CCL3: variants seen among roughly 807,000 people sequenced by gnomAD.
CCL3 encodes the protein C-C motif chemokine ligand 3.
CCL3 carries 6 observed loss-of-function variants against 8.1 expected under a neutral mutation model. The ratio of observed to expected loss-of-function variants is 0.74; its 90% CI spans 0.41 to 1.46. CCL3 has a LOEUF of 1.46. CCL3 is among the 40% of genes most tolerant of loss of function. The pLI, the probability that CCL3 is intolerant of heterozygous loss-of-function variation, is 0.02. For missense variants in CCL3, 109 were observed against 117.7 expected (o/e 0.93, Z 0.34); for synonymous variants, 45 against 45.1 (o/e 1.00, Z 0.01).
At chr17:36,089,905 G>C (rs1342864692) in intron 1 of CCL3, 81 bp downstream of exon 1, 2 of 1,315,712 alleles carry the variant, frequency 1.5e-6, no homozygotes, top group African/African-American at 2.9e-5. Flanking sequence ...TCTCTTGGGG[G>C]CTTTTAGGCC....
At position 36,090,022 on chromosome 17, in the gene CCL3, A is replaced by G; in HGVS notation, c.37T>C (p.Cys13Arg). The G allele has an allele frequency of 6.2e-7, 1 of 1,613,830 alleles. No individual in the cohort carries two copies. The highest frequency in any genetic ancestry group is 8.5e-7 in the Non-Finnish European group (1 of 1,180,034). ...VSTAALAVLL[C>R]TMALCNQFSA... ...AACTGGTTGCAGAGAGCCATGGTGC[A>G]GAGGAGGACAGCAAGGGCAGCAGTG... The change falls in exon 1 of 3, where the codon TGC becomes CGC. Residue 13 changes from cysteine (C) to arginine (R), a missense_variant. Physicochemically the swap from Cys to Arg is radical, Grantham distance 180. Coordinates refer to ENST00000613922, the MANE Select transcript of CCL3 (RefSeq NM_002983.3).
Position 36,089,635 on chromosome 17 carries a change from G to C in CCL3, c.74-338C>G, listed in dbSNP as rs2067025121. ...TCTCTCATAAGACATCCAAGGGACA[G>C]AGCTCCTGGGAGACCTAGAGTGAGC... On this transcript the variant is annotated intron_variant, in intron 1 of 2. Coordinates refer to ENST00000613922, the MANE Select transcript of CCL3 (RefSeq NM_002983.3). 4.7e-6 allele frequency: 3 copies of C among 637,408 alleles called. No homozygotes were observed. The African/African-American group carries it at 5.4e-5, about 11-fold the overall frequency. 39.5% of individuals were successfully genotyped at this position (637,408 alleles called of 1,614,324 possible). A position where few individuals can be genotyped will look rare whatever the true frequency, so the allele number is the denominator to read the frequency against.
chr17:36,088,428 C>T lies in CCL3; in HGVS notation c.*244G>A. 1 of 533,336 alleles carries T rather than the reference C, an allele frequency of 1.9e-6. No homozygotes were observed. The highest frequency in any genetic ancestry group is 2.4e-5 in the South Asian group (1 of 42,492). 33.0% of individuals were successfully genotyped at this position (533,336 alleles called of 1,614,324 possible). ...GCGGTGTGAGGGAAGGGGGAGGGGA[C>T]AGGGGAACTCTCAGAGCAAACAATC... On this transcript the variant is annotated 3_prime_UTR_variant, in exon 3 of 3. Transcript: ENST00000613922.
chr17:36,088,594 C>A lies in CCL3; in HGVS notation c.*78G>T. 7 of 1,517,494 alleles carry A rather than the reference C, an allele frequency of 4.6e-6. No homozygotes were observed. The highest frequency in any genetic ancestry group is 6.4e-6 in the Non-Finnish European group (7 of 1,093,996). 94.0% of individuals were successfully genotyped at this position (1,517,494 alleles called of 1,614,324 possible). On this transcript the variant is annotated 3_prime_UTR_variant, in exon 3 of 3. Transcript: ENST00000613922. ...AAGAGGTAGCTGTGGAGGTCACACGCATGTTCCCAAGGCTCAGGCTCCTGC... is the reference window on the plus strand; with the variant it reads ...AAGAGGTAGCTGTGGAGGTCACACGAATGTTCCCAAGGCTCAGGCTCCTGC...
intron 2 of CCL3, among the ~76,000 whole-genome samples, 198 bp downstream of exon 2, chr17:36,088,985 G>C (rs530826647): frequency 4.7e-4 from 72 of 152,152 alleles, no homozygotes; most frequent in African/African-American, 1.4e-3. Context: ...TTTCCTCTGG[G>C]CTGGGGCAGC....
At chr17:36,089,387 G>T (rs951682958) in intron 1 of CCL3, 90 bp from the exon 2 acceptor site, 2 of 1,541,172 alleles carry the variant, frequency 1.3e-6, no homozygotes, top group Admixed American at 1.7e-5. Context: ...AGGAAGGCAG[G>T]CTTGCTCAGA....
chr17:36,090,133 C>G lies in CCL3; in HGVS notation c.-75G>C. The G allele has an allele frequency of 7.1e-7, 1 of 1,404,096 alleles. No individual in the cohort carries two copies. The highest frequency in any genetic ancestry group is 9.9e-7 in the Non-Finnish European group (1 of 1,007,414). 87.0% of individuals were successfully genotyped at this position (1,404,096 alleles called of 1,614,324 possible). A position where few individuals can be genotyped will look rare whatever the true frequency, so the allele number is the denominator to read the frequency against. On this transcript the variant is annotated 5_prime_UTR_variant, in exon 1 of 3. Coordinates refer to ENST00000613922, the MANE Select transcript of CCL3 (RefSeq NM_002983.3). ...AAAGGACTGACCACTGTCTGCTGCC[C>G]GTGTCCTTCTGAAGTCTGAAACCAG...
At chr17:36,089,031 T>C (rs534856223) in intron 2 of CCL3, 152 bp downstream of exon 2, 274 of 1,074,532 alleles carry the variant, frequency 2.5e-4, no homozygotes, top group Admixed American at 5.8e-4. Flanking sequence ...TCACTCCAGC[T>C]CCAAGTCAGG....
chr17:36,089,589 A>G (rs2067024342), intron 1 of CCL3: 4 of 605,828 alleles, frequency 6.6e-6, no homozygotes, highest in East Asian at 2.9e-5. Flanking sequence ...TCATACCCCA[A>G]CCCAAGAGAA....
intron 1 of CCL3, chr17:36,089,779 C>A: frequency 2.8e-6 from 2 of 721,336 alleles, no homozygotes; most frequent in Non-Finnish European, 5.1e-6. Context: ...CTCCCCTGCC[C>A]CTGCCTAGAT....
chr17:36,089,981 C>T lies in CCL3; in HGVS notation c.73+5G>A. 1 of 1,613,680 alleles carries T rather than the reference C, an allele frequency of 6.2e-7. No individual in the cohort carries two copies. The highest frequency in any genetic ancestry group is 8.5e-7 in the Non-Finnish European group (1 of 1,179,682). On this transcript the variant is annotated splice_donor_5th_base_variant and intron_variant, in intron 1 of 2. Transcript: ENST00000613922. Reference sequence around the variant, plus strand: ...GGTGATACCCACAACGAAACTCAGACTCACGTGATGCAGAGAACTGGTTGC... The same window carrying T: ...GGTGATACCCACAACGAAACTCAGATTCACGTGATGCAGAGAACTGGTTGC...
At chr17:36,089,768 A>G (rs2067027023) in intron 1 of CCL3, 3 of 717,114 alleles carry the variant, frequency 4.2e-6, no homozygotes, top group East Asian at 5.4e-5. Flanking sequence ...AGGGACTGTA[A>G]CTCCCCTGCC....
At position 36,089,331 on chromosome 17, in the gene CCL3, C is replaced by T. The variant is rs763816063; in HGVS notation, c.74-34G>A. Reference sequence around the variant, plus strand: ...AAAGGAAGAGAATGAGCCCGAGTCACAGCTCAGAAGAAAAGGCCAGGCAGC... The same window carrying T: ...AAAGGAAGAGAATGAGCCCGAGTCATAGCTCAGAAGAAAAGGCCAGGCAGC... On this transcript the variant is annotated intron_variant, in intron 1 of 2. Transcript: ENST00000613922. 2.5e-5 allele frequency: 40 copies of T among 1,613,848 alleles called. No individual in the cohort carries two copies. In the East Asian group the frequency reaches 8.2e-4, roughly 33 times the overall value.
chr17:36,088,803 G>A, intron 2 of CCL3, 41 bp from the exon 3 acceptor site: 1 of 1,610,720 alleles, frequency 6.2e-7, no homozygotes, highest in Non-Finnish European at 8.5e-7. Flanking sequence ...GGGGAATCCA[G>A]CAGGGGAATC....
chr17:36,090,133 C>T lies in CCL3; in HGVS notation c.-75G>A, dbSNP rs999274187. On this transcript the variant is annotated 5_prime_UTR_variant, in exon 1 of 3. Coordinates refer to ENST00000613922, the MANE Select transcript of CCL3 (RefSeq NM_002983.3). The stretch of plus-strand genomic sequence containing the variant: ...AAAGGACTGACCACTGTCTGCTGCC[C>T]GTGTCCTTCTGAAGTCTGAAACCAG... 53 of 1,403,978 alleles carry T rather than the reference C, an allele frequency of 3.8e-5. No homozygotes were observed. The highest frequency in any genetic ancestry group is 3.4e-4 in the African/African-American group (24 of 70,442). The allele number at this position is 1,403,978 out of a possible 1,614,324, so 87.0% of individuals were successfully genotyped here.
rs1258865872 is a variant in CCL3, at chr17:36,088,613, C to A, written c.*59G>T. 2.5e-6 allele frequency: 4 copies of A among 1,593,480 alleles called. No individual in the cohort carries two copies. The African/African-American group carries it at 4.0e-5, about 16-fold the overall frequency. Reference sequence around the variant, plus strand: ...CACACGCATGTTCCCAAGGCTCAGGCTCCTGCTCCTCCCCACTGGGCCCAC... The same window carrying A: ...CACACGCATGTTCCCAAGGCTCAGGATCCTGCTCCTCCCCACTGGGCCCAC... On this transcript the variant is annotated 3_prime_UTR_variant, in exon 3 of 3. Coordinates refer to ENST00000613922, the MANE Select transcript of CCL3 (RefSeq NM_002983.3).
At position 36,088,527 on chromosome 17, in the gene CCL3, A is replaced by C. The variant is rs1271647427; in HGVS notation, c.*145T>G. The C allele has an allele frequency of 1.9e-5, 15 of 779,592 alleles. No individual in the cohort carries two copies. The highest frequency in any genetic ancestry group is 3.7e-4 in the Middle Eastern group (1 of 2,718). The allele number at this position is 779,592 out of a possible 1,614,324, so 48.3% of individuals were successfully genotyped here. A position where few individuals can be genotyped will look rare whatever the true frequency, so the allele number is the denominator to read the frequency against. On this transcript the variant is annotated 3_prime_UTR_variant, in exon 3 of 3. Coordinates refer to ENST00000613922, the MANE Select transcript of CCL3 (RefSeq NM_002983.3). ...AAATAAATTAAAATTTAAGTTAAGAAGAGTCCCACAGTGTGGCTGTTTGGC... is the reference window on the plus strand; with the variant it reads ...AAATAAATTAAAATTTAAGTTAAGACGAGTCCCACAGTGTGGCTGTTTGGC...
intron 1 of CCL3, 137 bp downstream of exon 1, chr17:36,089,849 A>C (rs1320500550): frequency 1.2e-6 from 1 of 864,302 alleles, no homozygotes; most frequent in East Asian, 2.6e-5. Context: ...AAAAGTCTTA[A>C]AGAGAAAGAC....
chr17:36,088,668 C>T lies in CCL3; in HGVS notation c.*4G>A, dbSNP rs1306615580. The T allele has an allele frequency of 6.2e-7, 1 of 1,613,100 alleles. No homozygotes were observed. Among genetic ancestry groups the T allele is most frequent in the African/African-American group, 1.3e-5 (1 of 74,874 alleles). The stretch of plus-strand genomic sequence containing the variant: ...GTCGCTGGGCCTCGAAGCTTCTGGA[C>T]CCCTCAGGCACTCAGCTCCAGGTCG... On this transcript the variant is annotated 3_prime_UTR_variant, in exon 3 of 3. Transcript: ENST00000613922.
Sources: allele counts gnomAD v4.1 joint callset (sites outside exome capture counted in the v4.1 genomes callset), GRCh38; gene constraint gnomAD v4.1.1; transcripts MANE v1.5; gene names NCBI Gene and HGNC (gene_info 2026-07-23, HGNC 2026-07-21).